The following ASIC2 variants were observed in gnomAD, a reference collection of about 807,000 sequenced individuals.
The protein encoded by ASIC2 is acid-sensing ion channel 2.
In ASIC2, 25 loss-of-function variants were observed where a neutral mutation model predicts 57.3. That is an observed-to-expected ratio of 0.44 (90% CI 0.32 to 0.61). The LOEUF is 0.61. Ranked by LOEUF, ASIC2 falls within the 20% of genes least tolerant of loss-of-function variation. The pLI, the probability that ASIC2 is intolerant of heterozygous loss-of-function variation, is 0.06. For synonymous variants in ASIC2, 319 were observed against 307.5 expected (o/e 1.04, Z -0.39); for missense variants, 641 against 738.1 (o/e 0.87, Z 1.52).
intron 1 of ASIC2, among the ~76,000 whole-genome samples, chr17:33,677,434 T>C (rs1279665289): frequency 6.6e-6 from 1 of 152,186 alleles, no homozygotes; most frequent in Non-Finnish European, 1.5e-5. Context: ...ATTCAAGAAA[T>C]ATATTTTATA....
chr17:33,100,875 G>A (rs1197034874), intron 2 of ASIC2, among the ~76,000 whole-genome samples: 5 of 152,206 alleles, frequency 3.3e-5, no homozygotes, highest in African/African-American at 1.2e-4. Flanking sequence ...TAGAACACAC[G>A]TATTTTCTGC....
At chr17:33,283,912 T>C (rs1470654802) in intron 1 of ASIC2, among the ~76,000 whole-genome samples, 1 of 152,148 alleles carries the variant, frequency 6.6e-6, no homozygotes, top group Non-Finnish European at 1.5e-5. Context: ...ATGCAGTGCG[T>C]TGACTTTGGA....
rs573222450 is a variant in ASIC2, at chr17:33,301,450, T to A, written c.556-189383A>T. ...AGAATGTGGATAAGTGACTAGTCTG[T>A]GGCTGGGATTCAAACTCAAGTAGTT... is the stretch of plus-strand genomic sequence containing the variant. On this transcript the variant is annotated intron_variant, in intron 1 of 9. Transcript: ENST00000359872. Among the ~76,000 whole-genome samples, 3 of 152,280 alleles carry A rather than the reference T, an allele frequency of 2.0e-5. No individual in the cohort carries two copies. The East Asian group carries it at 5.8e-4, about 29-fold the overall frequency.
intron 1 of ASIC2, among the ~76,000 whole-genome samples, chr17:33,457,749 T>C (rs902636089): frequency 3.9e-5 from 6 of 152,224 alleles, no homozygotes; most frequent in African/African-American, 1.4e-4. Flanking sequence ...GCCAAGGGCT[T>C]TGCATGCATT....
At chr17:33,028,532 T>C in intron 3 of ASIC2, 140 bp from the exon 4 acceptor site, 3 of 1,090,112 alleles carry the variant, frequency 2.8e-6, no homozygotes, top group Non-Finnish European at 3.9e-6. Flanking sequence ...GCTCCAATAC[T>C]AGTTTTCTTA....
At chr17:33,081,039 G>A (rs942441993) in intron 3 of ASIC2, among the ~76,000 whole-genome samples, 1 of 152,114 alleles carries the variant, frequency 6.6e-6, no homozygotes, top group Non-Finnish European at 1.5e-5. Context: ...AAGGTAGTGG[G>A]GAGGTAAAAT....
chr17:33,476,535 A>ATATATATATG (rs1491353193), intron 1 of ASIC2, among the ~76,000 whole-genome samples: 16 of 95,100 alleles, frequency 1.7e-4, no homozygotes, highest in African/African-American at 6.9e-4. Context: ...ATATATATAT[A>ATATATATATG]TGTACAGGGG....
rs140695235 is a variant in ASIC2, at chr17:33,660,578, T to C, written c.555+495400A>G. ...ATGATGAAAAGCATAGTATAATAAA[T>C]ACATAAACCAGTAGCACAGTCATTT... On this transcript the variant is annotated intron_variant, in intron 1 of 9. Coordinates refer to the ASIC2 transcript ENST00000359872. Among the ~76,000 whole-genome samples, 594 of 152,342 alleles carry C rather than the reference T, an allele frequency of 3.9e-3. 2 individuals carry two copies. The highest frequency in any genetic ancestry group is 6.3e-3 in the Non-Finnish European group (430 of 68,038).
rs928521354 is a variant in ASIC2, at chr17:33,605,746, A to G, written c.556-493679T>C. ...ACAGCGCTAACCAAGGAGATTCTAG[A>G]TCCCGCTGCAAACCTTAGACACAGC... On this transcript the variant is annotated intron_variant, in intron 1 of 9. Coordinates refer to the ASIC2 transcript ENST00000359872. 2.0e-5 allele frequency among the ~76,000 whole-genome samples: 3 copies of G among 152,322 alleles called. No homozygotes were observed. The East Asian group carries it at 5.8e-4, about 29-fold the overall frequency.
intron 1 of ASIC2, among the ~76,000 whole-genome samples, chr17:33,406,369 A>G (rs1299615013): frequency 6.6e-6 from 1 of 152,188 alleles, no homozygotes; most frequent in East Asian, 1.9e-4. Flanking sequence ...TTCAATGTGG[A>G]CGGGGCATAA....
At chr17:33,962,164 T>C (rs988429439) in intron 1 of ASIC2, among the ~76,000 whole-genome samples, 7 of 152,104 alleles carry the variant, frequency 4.6e-5, no homozygotes, top group Admixed American at 4.6e-4. Flanking sequence ...TACCATTTGC[T>C]AGTGAAAGAG....
chr17:33,099,168 T>A (rs1233512948), intron 2 of ASIC2, among the ~76,000 whole-genome samples: 1 of 151,450 alleles, frequency 6.6e-6, no homozygotes, highest in Non-Finnish European at 1.5e-5. Context: ...AGGTTTTTTT[T>A]TGTTGTTGTT....
At chr17:33,211,540 A>G (rs575863859) in intron 1 of ASIC2, among the ~76,000 whole-genome samples, 13 of 151,670 alleles carry the variant, frequency 8.6e-5, no homozygotes, top group African/African-American at 2.9e-4. Context: ...TTAAATGAAA[A>G]AAAAAAAAAA....
At chr17:33,979,909 G>A (rs559752913) in intron 1 of ASIC2, among the ~76,000 whole-genome samples, 9 of 152,136 alleles carry the variant, frequency 5.9e-5, no homozygotes, top group African/African-American at 1.9e-4. Flanking sequence ...GTCTCAAGTG[G>A]TCCAAAGTAA....
At chr17:34,035,863 C>T (rs1243646245) in intron 1 of ASIC2, among the ~76,000 whole-genome samples, 2 of 151,906 alleles carry the variant, frequency 1.3e-5, no homozygotes, top group African/African-American at 2.4e-5. Context: ...GAATGGCAAT[C>T]ATTAAAAAGT....
chr17:34,049,306 C>T (rs1272159606), intron 1 of ASIC2, among the ~76,000 whole-genome samples: 1 of 152,032 alleles, frequency 6.6e-6, no homozygotes, highest in Non-Finnish European at 1.5e-5. Flanking sequence ...AACAAACAAA[C>T]AAACAAACAA....
intron 1 of ASIC2, among the ~76,000 whole-genome samples, chr17:33,763,215 T>A (rs1910838203): frequency 6.6e-6 from 1 of 152,190 alleles, no homozygotes; most frequent in South Asian, 2.1e-4. Context: ...TGTTGATTGA[T>A]CTCTCTCCAG....
At chr17:33,257,576 G>A (rs566043116) in intron 1 of ASIC2, among the ~76,000 whole-genome samples, 257 of 152,302 alleles carry the variant, frequency 1.7e-3, no homozygotes, top group South Asian at 3.5e-3. Flanking sequence ...CCCTGTGCAC[G>A]TTCTTCTGCC....
intron 1 of ASIC2, among the ~76,000 whole-genome samples, chr17:33,192,896 G>A (rs918609345): frequency 1.3e-5 from 2 of 151,976 alleles, no homozygotes; most frequent in Admixed American, 1.3e-4. Context: ...ATTAAATATA[G>A]CTATTTTTGG....
Sources: gnomAD v4.1 joint callset for allele counts (sites outside exome capture counted in the v4.1 genomes callset) on GRCh38, gnomAD v4.1.1 for gene constraint, MANE v1.5 for transcripts, NCBI Gene and HGNC (gene_info 2026-07-23, HGNC 2026-07-21) for gene names.